FOXP2: variants seen among roughly 807,000 people sequenced by gnomAD.
FOXP2 encodes forkhead box protein P2.
Under a neutral mutation model 115.8 loss-of-function variants are expected in FOXP2, and 12 were observed. The ratio of observed to expected loss-of-function variants is 0.10; its 90% CI spans 0.07 to 0.17. FOXP2 has a LOEUF of 0.17. FOXP2 is among the 10% of genes least tolerant of loss of function. FOXP2 has a pLI of 1.00. For synonymous variants in FOXP2, 328 were observed against 297.7 expected, an observed-to-expected ratio of 1.10 and a Z score of -1.05; for missense variants, 629 against 843.5, an observed-to-expected ratio of 0.75 and a Z score of 3.15.
intron 3 of FOXP2, among the ~76,000 whole-genome samples, chr7:114,573,742 T>TA (rs909619107): frequency 1.3e-5 from 2 of 151,652 alleles, no homozygotes. Flanking sequence ...CTAATTCACT[T>TA]AAAAAATAAA....
At chr7:114,540,790 A>T (rs984622126) in intron 3 of FOXP2, among the ~76,000 whole-genome samples, 20 of 152,068 alleles carry the variant, frequency 1.3e-4, no homozygotes, top group Admixed American at 7.2e-4. Flanking sequence ...GACATAGGAA[A>T]TTCTGAGATC....
At chr7:114,167,624 G>C (rs1584519113) in intron 1 of FOXP2, among the ~76,000 whole-genome samples, 1 of 152,002 alleles carries the variant, frequency 6.6e-6, no homozygotes, top group Non-Finnish European at 1.5e-5. Flanking sequence ...TACGTCTCAG[G>C]AGATCTGATG....
At chr7:114,319,743 T>G (rs1304064915) in intron 2 of FOXP2, among the ~76,000 whole-genome samples, 1 of 152,196 alleles carries the variant, frequency 6.6e-6, no homozygotes, top group Non-Finnish European at 1.5e-5. Context: ...CCAAACCATA[T>G]GAACTACCAA....
intron 3 of FOXP2, among the ~76,000 whole-genome samples, chr7:114,606,243 G>A (rs1198447798): frequency 5.3e-5 from 8 of 152,176 alleles, no homozygotes; most frequent in Admixed American, 5.2e-4. Context: ...TCAGAATCAA[G>A]CACTGAGTTT....
chr7:114,256,172 G>C (rs980554071), intron 1 of FOXP2, among the ~76,000 whole-genome samples: 1 of 152,020 alleles, frequency 6.6e-6, no homozygotes, highest in Non-Finnish European at 1.5e-5. Flanking sequence ...GCACAATCTT[G>C]GCTCACTGCA....
rs768441245 is a variant in FOXP2, at chr7:114,629,960, A to ACAGCAG, written c.564_569dup (p.Gln190_Gln191dup). ...AGCAACAACAGCAGCAGCAGCAGCA[A>ACAGCAG]CAGCAGCAGCAGCAGCAACAGCATC... is the stretch of plus-strand genomic sequence containing the variant. On this transcript the variant is annotated inframe_insertion, in exon 5 of 17. Coordinates refer to ENST00000350908, the MANE Select transcript of FOXP2 (RefSeq NM_014491.4). The ACAGCAG allele has an allele frequency of 4.3e-6, 7 of 1,609,338 alleles. No homozygotes were observed. The highest frequency in any genetic ancestry group is 1.1e-5 in the South Asian group (1 of 90,872).
At chr7:114,688,918 C>A (rs952225426) in intron 16 of FOXP2, among the ~76,000 whole-genome samples, 1 of 152,018 alleles carries the variant, frequency 6.6e-6, no homozygotes, top group Non-Finnish European at 1.5e-5. Context: ...TGAGAGATTG[C>A]GGTTTCTATT....
chr7:114,207,431 TG>T, intron 1 of FOXP2, among the ~76,000 whole-genome samples: 1 of 152,218 alleles, frequency 6.6e-6, no homozygotes, highest in Non-Finnish European at 1.5e-5. Context: ...CTATCCTAAG[TG>T]GGTATGAAGT....
At chr7:114,410,459 C>T (rs955213138), upstream of FOXP2, among the ~76,000 whole-genome samples, 1 of 152,078 alleles carries the variant, frequency 6.6e-6, no homozygotes, top group Non-Finnish European at 1.5e-5. Context: ...GTCCCACTGT[C>T]TTCATCTGTA....
chr7:114,535,253 A>G (rs1239383312), intron 3 of FOXP2, among the ~76,000 whole-genome samples: 1 of 151,406 alleles, frequency 6.6e-6, no homozygotes, highest in Non-Finnish European at 1.5e-5. Flanking sequence ...GATAGTATGT[A>G]TGTCTTTTAA....
chr7:114,615,750 G>T (rs1387831639), intron 3 of FOXP2, among the ~76,000 whole-genome samples: 2 of 152,160 alleles, frequency 1.3e-5, no homozygotes, highest in African/African-American at 4.8e-5. Flanking sequence ...GACTGTACGG[G>T]TCCCTTGCTG....
At chr7:114,633,446 G>A (rs1229170024) in intron 6 of FOXP2, among the ~76,000 whole-genome samples, 1 of 152,096 alleles carries the variant, frequency 6.6e-6, no homozygotes, top group Non-Finnish European at 1.5e-5. Context: ...GGAAAGGAAA[G>A]TAAATCTGAA....
chr7:114,210,615 G>A (rs1482550240), intron 1 of FOXP2, among the ~76,000 whole-genome samples: 1 of 152,182 alleles, frequency 6.6e-6, no homozygotes, highest in African/African-American at 2.4e-5. Flanking sequence ...GTCTCACCCA[G>A]TCAGGAGGAA....
At chr7:114,267,513 G>T (rs1258945034) in intron 1 of FOXP2, among the ~76,000 whole-genome samples, 1 of 151,848 alleles carries the variant, frequency 6.6e-6, no homozygotes, top group African/African-American at 2.4e-5. Context: ...CAGATCACGA[G>T]TTCAGGAGAT....
intron 1 of FOXP2, among the ~76,000 whole-genome samples, chr7:114,145,500 C>CTTTTCTTTT (rs1792347262): frequency 9.8e-5 from 3 of 30,736 alleles, no homozygotes; most frequent in African/African-American, 1.7e-4. Flanking sequence ...TCTTTTCTTT[C>CTTTTCTTTT]CTTTTGAGAT....
chr7:114,248,484 C>T (rs771891145), intron 1 of FOXP2, among the ~76,000 whole-genome samples: 4 of 152,124 alleles, frequency 2.6e-5, no homozygotes, highest in Admixed American at 1.3e-4. Flanking sequence ...AAACTCAATA[C>T]GTGATAATTT....
Position 114,110,491 on chromosome 7 carries a change from C to A in FOXP2, c.-247+22653C>A, listed in dbSNP as rs1262381264. ...TTAATGGATTGTTTTTCATTTTTAC[C>A]TTTTCTATGTTTTTTTGCCATTTTA... On this transcript the variant is annotated intron_variant, in intron 1 of 19. Transcript: ENST00000635638. 2.6e-5 allele frequency among the ~76,000 whole-genome samples: 4 copies of A among 151,828 alleles called. No individual in the cohort carries two copies. In the East Asian group the frequency reaches 7.7e-4, roughly 29 times the overall value.
intron 1 of FOXP2, among the ~76,000 whole-genome samples, chr7:114,252,530 T>C (rs1008178194): frequency 6.6e-6 from 1 of 152,206 alleles, no homozygotes; most frequent in African/African-American, 2.4e-5. Context: ...GGAGGGTGTA[T>C]GTGTCCAGGA....
chr7:114,197,575 T>C (rs1793944993), intron 1 of FOXP2, among the ~76,000 whole-genome samples: 1 of 152,184 alleles, frequency 6.6e-6, no homozygotes, highest in African/African-American at 2.4e-5. Flanking sequence ...AGGTTTCAAC[T>C]TGCGACTTTT....
Sources: allele counts gnomAD v4.1 joint callset (sites outside exome capture counted in the v4.1 genomes callset), GRCh38; gene constraint gnomAD v4.1.1; transcripts MANE v1.5; gene names NCBI Gene and HGNC (gene_info 2026-07-23, HGNC 2026-07-21).